The following PEX13 variants were observed in gnomAD, a reference collection of about 807,000 sequenced individuals.
PEX13 encodes the protein peroxisomal biogenesis factor 13.
A neutral mutation model predicts 34.5 loss-of-function variants in PEX13; 28 were observed. The observed-to-expected ratio is 0.81, with a 90% CI of 0.60 to 1.11. PEX13 has a LOEUF of 1.11. PEX13 is among the 50% of genes most tolerant of loss of function. The pLI, the probability that PEX13 is intolerant of heterozygous loss-of-function variation, is 0.00. For missense variants in PEX13, 550 were observed against 491.0 expected, an observed-to-expected ratio of 1.12 and a Z score of -1.13; for synonymous variants, 177 against 175.1, an observed-to-expected ratio of 1.01 and a Z score of -0.09.
chr2:61,024,536 G>C (rs1288722079), intron 1 of PEX13, among the ~76,000 whole-genome samples: 1 of 152,174 alleles, frequency 6.6e-6, no homozygotes, highest in African/African-American at 2.4e-5. Flanking sequence ...GAGGCCGGGT[G>C]CAGTGGCTCA....
chr2:61,044,535 C>T (rs985810382), intron 2 of PEX13, among the ~76,000 whole-genome samples: 10 of 152,122 alleles, frequency 6.6e-5, no homozygotes, highest in Non-Finnish European at 7.4e-5. Flanking sequence ...TATAGGCATG[C>T]GCCACCATGC....
chr2:61,032,298 A>G (rs914215825), intron 2 of PEX13, among the ~76,000 whole-genome samples, 185 bp downstream of exon 2: 3 of 152,200 alleles, frequency 2.0e-5, no homozygotes, highest in African/African-American at 7.2e-5. Context: ...TTTATTGTTC[A>G]GTTTAATAGT....
Position 61,025,196 on chromosome 2 carries a change from G to A in PEX13, c.93-6223G>A, listed in dbSNP as rs958387235. On this transcript the variant is annotated intron_variant, in intron 1 of 3. Transcript: ENST00000295030. ...CAATTCTCCTGCCTGAGCCTCCCCC[G>A]TAGCTGGGATTACAGGCACCTGCCA... Among the ~76,000 whole-genome samples the A allele has an allele frequency of 7.2e-5, 11 of 151,728 alleles. No individual in the cohort carries two copies. The South Asian group carries it at 1.3e-3, about 17-fold the overall frequency.
At chr2:61,028,221 T>C (rs886633401) in intron 1 of PEX13, among the ~76,000 whole-genome samples, 2 of 152,210 alleles carry the variant, frequency 1.3e-5, no homozygotes, top group Non-Finnish European at 2.9e-5. Flanking sequence ...AAAGTAATAC[T>C]GTGTGAAGTA....
At chr2:61,029,150 A>AG (rs1680408250) in intron 1 of PEX13, among the ~76,000 whole-genome samples, 1 of 151,802 alleles carries the variant, frequency 6.6e-6, no homozygotes, top group East Asian at 1.9e-4. Context: ...AAAAAAAAAA[A>AG]AAAAAGAGGG....
chr2:61,035,826 A>G (rs1453070468), intron 2 of PEX13, among the ~76,000 whole-genome samples: 1 of 152,062 alleles, frequency 6.6e-6, no homozygotes, highest in Non-Finnish European at 1.5e-5. Flanking sequence ...TCTACTAAAA[A>G]TACAAAATTA....
chr2:61,018,002 G>C (rs1298458284), intron 1 of PEX13, 151 bp downstream of exon 1: 3 of 1,333,460 alleles, frequency 2.2e-6, no homozygotes, highest in East Asian at 5.0e-5. Context: ...GAGCTGGGGC[G>C]CTTACCAGTG....
At chr2:61,045,467 A>G (rs568570392) in intron 2 of PEX13, among the ~76,000 whole-genome samples, 1 of 152,266 alleles carries the variant, frequency 6.6e-6, no homozygotes, top group East Asian at 1.9e-4. Context: ...TAACTATCTG[A>G]CCCTTTTCAG....
chr2:61,033,278 T>G (rs188857340), intron 2 of PEX13, among the ~76,000 whole-genome samples: 3 of 152,094 alleles, frequency 2.0e-5, no homozygotes, highest in Non-Finnish European at 2.9e-5. Flanking sequence ...TTAGACTGTT[T>G]GAGAGATAAT....
chr2:61,023,217 C>G (rs1680293160), intron 1 of PEX13, among the ~76,000 whole-genome samples: 1 of 152,082 alleles, frequency 6.6e-6, no homozygotes, highest in Non-Finnish European at 1.5e-5. Flanking sequence ...GTTTCCCAGG[C>G]TGGTCTCGAA....
chr2:61,024,463 C>T (rs1456095425), intron 1 of PEX13, among the ~76,000 whole-genome samples: 1 of 152,192 alleles, frequency 6.6e-6, no homozygotes, highest in East Asian at 1.9e-4. Context: ...TTCTTCCCAT[C>T]TCTTTCCTAG....
At chr2:61,035,193 G>T (rs951694081) in intron 2 of PEX13, among the ~76,000 whole-genome samples, 1 of 152,172 alleles carries the variant, frequency 6.6e-6, no homozygotes, top group Non-Finnish European at 1.5e-5. Flanking sequence ...GGTCTGGAGT[G>T]GACCTCCAGC....
chr2:61,048,389 C>T, intron 3 of PEX13, 83 bp from the exon 4 acceptor site: 1 of 1,142,978 alleles, frequency 8.7e-7, no homozygotes, highest in Admixed American at 1.7e-5. Context: ...ACAGATTTTC[C>T]TGAATGTGAT....
intron 2 of PEX13, among the ~76,000 whole-genome samples, chr2:61,040,762 C>CAT (rs981507072): frequency 8.3e-4 from 120 of 144,538 alleles, no homozygotes; most frequent in Admixed American, 3.6e-3. Context: ...TAGGTATATA[C>CAT]ATATATATAT....
chr2:61,032,262 A>G lies in PEX13; in HGVS notation c.787+149A>G, dbSNP rs546144624. The G allele has an allele frequency of 7.7e-6, 5 of 651,364 alleles. No homozygotes were observed. The African/African-American group carries it at 9.1e-5, about 12-fold the overall frequency. The allele number at this position is 651,364 out of a possible 1,614,324, so 40.3% of individuals were successfully genotyped here. On this transcript the variant is annotated intron_variant, in intron 2 of 3. Transcript: ENST00000295030. ...AGCTTCAAAACTGGCAGAGGAATAT[A>G]TAGCAAAAATAGGCTTGCTGATTAG...
At chr2:61,029,225 A>G (rs891155559) in intron 1 of PEX13, among the ~76,000 whole-genome samples, 4 of 152,210 alleles carry the variant, frequency 2.6e-5, no homozygotes, top group African/African-American at 9.7e-5. Flanking sequence ...AAAACGACCA[A>G]TAAGCACATG....
chr2:61,045,377 T>C (rs989604366), intron 2 of PEX13, among the ~76,000 whole-genome samples: 2 of 152,254 alleles, frequency 1.3e-5, no homozygotes, highest in African/African-American at 2.4e-5. Flanking sequence ...AATAAATTTA[T>C]GGAAATTTTG....
Position 61,051,154 on chromosome 2 carries a change from T to G in PEX13, c.*2384T>G, listed in dbSNP as rs1680792144. The G allele has an allele frequency of 6.6e-6, 1 of 152,266 alleles. No homozygotes were observed. The highest frequency in any genetic ancestry group is 2.1e-4 in the South Asian group (1 of 4,836). 9.4% of individuals were successfully genotyped at this position (152,266 alleles called of 1,614,324 possible). A position where few individuals can be genotyped will look rare whatever the true frequency, so the allele number is the denominator to read the frequency against. The stretch of plus-strand genomic sequence containing the variant: ...TAAAATTTATTTATCTTTGGCCAGT[T>G]TTCCAACACCCAGGTATTAGCCTTG... On this transcript the variant is annotated 3_prime_UTR_variant, in exon 4 of 4. Coordinates refer to ENST00000295030, the MANE Select transcript of PEX13 (RefSeq NM_002618.4).
chr2:61,044,096 C>T (rs192926011), intron 2 of PEX13, among the ~76,000 whole-genome samples: 97 of 152,138 alleles, frequency 6.4e-4, no homozygotes, highest in African/African-American at 2.3e-3. Flanking sequence ...ACTAGAAGTA[C>T]ACACCACCAC....
Sources: gnomAD v4.1 joint callset for allele counts (sites outside exome capture counted in the v4.1 genomes callset) on GRCh38, gnomAD v4.1.1 for gene constraint, MANE v1.5 for transcripts, NCBI Gene and HGNC (gene_info 2026-07-23, HGNC 2026-07-21) for gene names.